NAT10: variants seen among roughly 807,000 people sequenced by gnomAD.
The protein encoded by NAT10 is N-acetyltransferase 10.
Under a neutral mutation model 132.2 loss-of-function variants are expected in NAT10, and 109 were observed. The observed-to-expected ratio is 0.82, with a 90% CI of 0.71 to 0.97. The LOEUF is 0.97. Ranked by LOEUF, NAT10 falls within the 50% of genes least tolerant of loss-of-function variation. The pLI is 0.00. For synonymous variants in NAT10, 479 were observed against 478.0 expected (o/e 1.00, Z -0.03); for missense variants, 1,184 against 1,263.4 (o/e 0.94, Z 0.95).
chr11:34,108,205 T>A lies in NAT10; in HGVS notation c.-15-6T>A, dbSNP rs765400454. On this transcript the variant is annotated splice_region_variant and splice_polypyrimidine_tract_variant and intron_variant, in intron 1 of 28. Coordinates refer to ENST00000257829, the MANE Select transcript of NAT10 (RefSeq NM_024662.3). The stretch of plus-strand genomic sequence containing the variant: ...GCATGGCCAGTTGTATTTCTTTCTC[T>A]TTTAGTAATAATTTTTCACCATGCA... The A allele has an allele frequency of 1.9e-5, 30 of 1,593,870 alleles. No individual in the cohort carries two copies. The African/African-American group carries it at 3.4e-4, about 18-fold the overall frequency.
chr11:34,122,230 A>T (rs1037211753), intron 8 of NAT10, among the ~76,000 whole-genome samples: 4 of 152,104 alleles, frequency 2.6e-5, no homozygotes, highest in African/African-American at 9.7e-5. Flanking sequence ...TGAAGCTGTA[A>T]ATTTGAGTTA....
chr11:34,141,261 C>T, intron 25 of NAT10, 53 bp downstream of exon 25: 1 of 1,608,752 alleles, frequency 6.2e-7, no homozygotes, highest in African/African-American at 1.3e-5. Flanking sequence ...GTGCAACAAA[C>T]CCACTCCCTG....
intron 19 of NAT10, among the ~76,000 whole-genome samples, chr11:34,136,013 G>C (rs1303951870): frequency 6.6e-6 from 1 of 151,828 alleles, no homozygotes; most frequent in Non-Finnish European, 1.5e-5. Flanking sequence ...TCCTAAGGCT[G>C]TCAGGTGATA....
chr11:34,142,437 C>A, intron 27 of NAT10, 89 bp downstream of exon 27: 1 of 1,141,828 alleles, frequency 8.8e-7, no homozygotes, highest in African/African-American at 1.5e-5. Context: ...ATCCCACGTG[C>A]CCTGGAAAGT....
At chr11:34,110,559 C>CTTTTTTTTTTTTTTTTTTTTTTTTTTT (rs948109196) in intron 3 of NAT10, among the ~76,000 whole-genome samples, 1 of 101,742 alleles carries the variant, frequency 9.8e-6, no homozygotes, top group Admixed American at 1.0e-4. Context: ...TTTTCTTTCC[C>CTTTTTTTTTTTTTTTTTTTTTTTTTTT]TTTTTTTTTT....
chr11:34,146,097 A>G lies in NAT10; in HGVS notation c.2983A>G (p.Lys995Glu), dbSNP rs1262807880. ...IISLKSDKKR[K>E]LEAKQEPKQS... ...ATTTTTCTCTAGTGACAAGAAAAGG[A>G]AGTTAGAGGCCAAACAAGAACCCAA... Residue 995 changes from lysine (K) to glutamate (E), a missense_variant, in exon 29 of 29, where the codon AAG (lysine) becomes GAG (glutamate). Transcript: ENST00000257829. The G allele has an allele frequency of 4.4e-6, 7 of 1,604,546 alleles. No homozygotes were observed. The African/African-American group carries it at 9.4e-5, about 22-fold the overall frequency.
At position 34,108,232 on chromosome 11, in the gene NAT10, C is replaced by G. The variant is rs140188192; in HGVS notation, c.7C>G (p.Arg3Gly). 6.2e-7 allele frequency: 1 copy of G among 1,613,010 alleles called. No homozygotes were observed. The highest frequency in any genetic ancestry group is 8.5e-7 in the Non-Finnish European group (1 of 1,179,096). MH[R>G]KKVDNRIRIL... ...TTAGTAATAATTTTTCACCATGCATCGGAAAAAGGTGGATAACCGAATCCG... is the reference window on the plus strand; with the variant it reads ...TTAGTAATAATTTTTCACCATGCATGGGAAAAAGGTGGATAACCGAATCCG... Residue 3 changes from arginine to glycine, a missense_variant, in exon 2 of 29, where the codon CGG becomes GGG. Physicochemically the swap from Arg to Gly is moderately radical, Grantham distance 125 (BLOSUM62 -2). Transcript: ENST00000257829.
In NAT10 at chr11:34,146,817, T is replaced by C. The variant is rs1306619778; in HGVS notation, c.*625T>C. 6.6e-6 allele frequency: 1 copy of C among 152,208 alleles called. No individual in the cohort carries two copies. Among genetic ancestry groups the C allele is most frequent in the African/African-American group, 2.4e-5 (1 of 41,452 alleles). The allele number at this position is 152,208 out of a possible 1,614,324, so 9.4% of individuals were successfully genotyped here. On this transcript the variant is annotated 3_prime_UTR_variant, in exon 29 of 29. Transcript: ENST00000257829. Reference sequence around the variant, plus strand: ...GCGTCCTCAAGACCTGTTTCATCCATTTGGGAAAAGATGTTGGGAAAGGCC... The same window carrying C: ...GCGTCCTCAAGACCTGTTTCATCCACTTGGGAAAAGATGTTGGGAAAGGCC...
At chr11:34,106,681 T>C (rs1021678095) in intron 1 of NAT10, among the ~76,000 whole-genome samples, 4 of 152,144 alleles carry the variant, frequency 2.6e-5, no homozygotes, top group Non-Finnish European at 5.9e-5. Context: ...GGCTTTGGAG[T>C]CAGGAAGACT....
chr11:34,109,163 C>T (rs540377644), intron 3 of NAT10, among the ~76,000 whole-genome samples: 1 of 152,140 alleles, frequency 6.6e-6, no homozygotes, highest in African/African-American at 2.4e-5. Flanking sequence ...CTCTTTTTCT[C>T]CCCTTCTTTC....
intron 16 of NAT10, 39 bp from the exon 17 acceptor site, chr11:34,134,280 G>A: frequency 6.5e-7 from 1 of 1,545,136 alleles, no homozygotes; most frequent in Non-Finnish European, 9.0e-7. Context: ...CTGTATCAGA[G>A]TTGGCCTTTC....
chr11:34,142,050 G>A, intron 26 of NAT10: 1 of 620,188 alleles, frequency 1.6e-6, no homozygotes, highest in Non-Finnish European at 2.8e-6. Context: ...TAGGATTCCA[G>A]CATCTGTTGG....
At chr11:34,139,890 ATTGT>A (rs1458627415) in intron 23 of NAT10, among the ~76,000 whole-genome samples, 1 of 152,180 alleles carries the variant, frequency 6.6e-6, no homozygotes, top group Non-Finnish European at 1.5e-5. Context: ...GTGCATACAG[ATTGT>A]TTGAATACTT....
chr11:34,129,110 C>A (rs534174896), intron 12 of NAT10, among the ~76,000 whole-genome samples: 35 of 152,268 alleles, frequency 2.3e-4, no homozygotes, highest in African/African-American at 7.7e-4. Context: ...TGAACATTAG[C>A]GTGCAGATTT....
rs1265548231 is a variant in NAT10 at position 34,108,777 on chromosome 11, T to A, written c.144T>A (p.Thr48=). The change falls in exon 3 of 29, where the codon ACT becomes ACA. Residue 48 remains threonine, a synonymous_variant. Transcript: ENST00000257829. ...TTCATCACATGTTATCCAAAGCAACTGTGAAGGCTCGGCCTTCAGTGCTGT... is the reference window on the plus strand; with the variant it reads ...TTCATCACATGTTATCCAAAGCAACAGTGAAGGCTCGGCCTTCAGTGCTGT... ...VILHHMLSKA[T]VKARPSVLWC... 5 of 1,613,832 alleles carry A rather than the reference T, an allele frequency of 3.1e-6. No homozygotes were observed. The highest frequency in any genetic ancestry group is 4.2e-6 in the Non-Finnish European group (5 of 1,179,902).
At chr11:34,108,482 A>G (rs1851634739) in intron 2 of NAT10, 149 bp downstream of exon 2, 1 of 716,504 alleles carries the variant, frequency 1.4e-6, no homozygotes, top group South Asian at 1.8e-5. Flanking sequence ...ATTTCCTGGA[A>G]GTGGTGAATT....
rs945522819 is a variant in NAT10, at chr11:34,116,596, A to G, written c.557+712A>G. ...CCACACTCGGCTAATTTTTTGTATT[A>G]TTATTATTATTTTTTTGAGACAGAG... On this transcript the variant is annotated intron_variant, in intron 6 of 28. Transcript: ENST00000257829. Among the ~76,000 whole-genome samples the G allele has an allele frequency of 1.0e-4, 15 of 148,116 alleles. No homozygotes were observed. The South Asian group carries it at 1.1e-3, about 11-fold the overall frequency.
At chr11:34,113,343 C>G (rs1202550173) in intron 4 of NAT10, among the ~76,000 whole-genome samples, 2 of 151,866 alleles carry the variant, frequency 1.3e-5, no homozygotes, top group Non-Finnish European at 2.9e-5. Context: ...AATAAGAGAC[C>G]CGTTTTTGGC....
At chr11:34,134,240 G>T in intron 16 of NAT10, 79 bp from the exon 17 acceptor site, 1 of 1,266,470 alleles carries the variant, frequency 7.9e-7, no homozygotes, top group South Asian at 1.2e-5. Context: ...GGCCTAGTTC[G>T]AGAAACAAGC....
Sources: allele counts gnomAD v4.1 joint callset (sites outside exome capture counted in the v4.1 genomes callset), GRCh38; gene constraint gnomAD v4.1.1; transcripts MANE v1.5; gene names NCBI Gene and HGNC (gene_info 2026-07-23, HGNC 2026-07-21).